Variants in KIAA1671 observed in about 807,000 individuals in gnomAD.
KIAA1671 encodes uncharacterized protein KIAA1671.
KIAA1671 carries 52 observed loss-of-function variants against 131.2 expected under a neutral mutation model. The ratio of observed to expected loss-of-function variants is 0.40; its 90% CI spans 0.32 to 0.50. The LOEUF (loss-of-function observed/expected upper bound fraction) is 0.50, where lower values mean the gene tolerates loss of function less well. Ranked by LOEUF, KIAA1671 falls within the 20% of genes least tolerant of loss-of-function variation. The pLI, the probability that KIAA1671 is intolerant of heterozygous loss-of-function variation, is 0.73. For missense variants in KIAA1671, 2,360 were observed against 2,364.2 expected (o/e 1.00, Z 0.04); for synonymous variants, 1,003 against 961.6 (o/e 1.04, Z -0.80).
In KIAA1671 at chr22:25,029,213, C is replaced by T; in HGVS notation, c.1214C>T (p.Pro405Leu). 1 of 1,459,986 alleles carries T rather than the reference C, an allele frequency of 6.8e-7. No homozygotes were observed. Among genetic ancestry groups the T allele is most frequent in the South Asian group, 1.5e-5 (1 of 68,632 alleles). The allele number at this position is 1,459,986 out of a possible 1,614,324, so 90.4% of individuals were successfully genotyped here. Residue 405 changes from proline to leucine, a missense_variant, in exon 3 of 13, where the codon CCC becomes CTC. By Grantham distance (98) the Pro-to-Leu change is moderately conservative. Transcript: ENST00000358431. ...GAGAAGGCTGCTGAGTCCCCCTCACCCAGGCTGGGAAGGGGCCTAGAACTT... is the reference window on the plus strand; with the variant it reads ...GAGAAGGCTGCTGAGTCCCCCTCACTCAGGCTGGGAAGGGGCCTAGAACTT... The part of the protein sequence containing the change: ...EPEKAAESPS[P>L]RLGRGLELAE...
At chr22:25,184,863 A>G in intron 10 of KIAA1671, 114 bp from the exon 11 acceptor site, 2 of 1,227,722 alleles carry the variant, frequency 1.6e-6, no homozygotes, top group Non-Finnish European at 2.3e-6. Flanking sequence ...GTTTATTCCG[A>G]TTCAGGGGGC....
At chr22:25,125,582 C>T (rs1051977355) in intron 6 of KIAA1671, among the ~76,000 whole-genome samples, 1 of 152,130 alleles carries the variant, frequency 6.6e-6, no homozygotes, top group Non-Finnish European at 1.5e-5. Context: ...CATTGACGTT[C>T]GGGGCTGGAT....
intron 6 of KIAA1671, among the ~76,000 whole-genome samples, chr22:25,103,205 C>A (rs1022920594): frequency 7.4e-6 from 1 of 135,254 alleles, no homozygotes; most frequent in East Asian, 2.1e-4. Context: ...AGTCCCCCCC[C>A]AACCGCCTTT....
rs1926898313 is a variant in KIAA1671 at position 25,041,071 on chromosome 22, T to C, written c.3941T>C (p.Ile1314Thr). 2 of 1,535,352 alleles carry C rather than the reference T, an allele frequency of 1.3e-6. No individual in the cohort carries two copies. Among genetic ancestry groups the C allele is most frequent in the Non-Finnish European group, 1.8e-6 (2 of 1,139,154 alleles). ...GAAAGGTATCCAGGGGGCTCTCCTA[T>C]ACCTGCGGATCCCAGGAAAAAAACG... ...PSERYPGGSP[I>T]PADPRKKTGF... The change falls in exon 5 of 13, where the codon ATA becomes ACA. Residue 1314 changes from isoleucine to threonine, a missense_variant. Transcript: ENST00000358431.
At chr22:25,163,331 ATTTT>A (rs132895) in intron 6 of KIAA1671, among the ~76,000 whole-genome samples, 1,067 of 55,564 alleles carry the variant, frequency 0.019, 34 homozygotes, top group African/African-American at 0.074. Flanking sequence ...ATTGCCTCAA[ATTTT>A]TTTTTTTTTT....
chr22:25,173,862 G>A (rs1050252482), intron 7 of KIAA1671, among the ~76,000 whole-genome samples: 2 of 150,752 alleles, frequency 1.3e-5, no homozygotes, highest in Non-Finnish European at 2.9e-5. Flanking sequence ...AGTGTGTAAG[G>A]TATAGGAAAT....
intron 2 of KIAA1671, among the ~76,000 whole-genome samples, chr22:25,026,856 T>C (rs1413662081): frequency 6.6e-6 from 1 of 152,164 alleles, no homozygotes; most frequent in Non-Finnish European, 1.5e-5. Context: ...GAGATAACGA[T>C]CATTCCTTCA....
intron 1 of KIAA1671, among the ~76,000 whole-genome samples, chr22:24,986,676 C>T (rs1923560012): frequency 7.1e-6 from 1 of 140,400 alleles, no homozygotes; most frequent in African/African-American, 2.7e-5. Flanking sequence ...CCCACCCATC[C>T]ACCCATCCAC....
intron 1 of KIAA1671, among the ~76,000 whole-genome samples, chr22:24,965,329 C>T (rs1334187634): frequency 2.0e-5 from 3 of 151,412 alleles, no homozygotes; most frequent in Non-Finnish European, 4.4e-5. Flanking sequence ...GCGAGAAAAT[C>T]GCTTGAACCC....
intron 6 of KIAA1671, among the ~76,000 whole-genome samples, chr22:25,065,558 C>A (rs1430390150): frequency 2.6e-5 from 4 of 151,754 alleles, no homozygotes; most frequent in South Asian, 4.2e-4. Context: ...TCTTTCCCCC[C>A]AAAAAAGAAA....
intron 5 of KIAA1671, among the ~76,000 whole-genome samples, chr22:25,045,440 G>T (rs1927170318): frequency 6.6e-6 from 1 of 152,212 alleles, no homozygotes; most frequent in African/African-American, 2.4e-5. Context: ...CCACTGCAAA[G>T]AATGCTCCAG....
At chr22:25,084,298 C>T (rs1929577308) in intron 6 of KIAA1671, among the ~76,000 whole-genome samples, 1 of 151,946 alleles carries the variant, frequency 6.6e-6, no homozygotes, top group Non-Finnish European at 1.5e-5. Context: ...AACATGGTGA[C>T]ACTTCATCTC....
chr22:25,033,623 G>C (rs1229187724), intron 4 of KIAA1671, among the ~76,000 whole-genome samples: 1 of 119,612 alleles, frequency 8.4e-6, no homozygotes, highest in African/African-American at 3.3e-5. Context: ...CTGTCGCTCA[G>C]GCTGGAGTGC....
chr22:25,169,785 G>A (rs901002339), intron 6 of KIAA1671, among the ~76,000 whole-genome samples: 3 of 152,236 alleles, frequency 2.0e-5, no homozygotes, highest in Non-Finnish European at 2.9e-5. Context: ...TGCCCAGGCC[G>A]AGGGCCGAGA....
At chr22:25,180,536 CAA>C (rs11334297) in intron 9 of KIAA1671, among the ~76,000 whole-genome samples, 9 of 145,434 alleles carry the variant, frequency 6.2e-5, no homozygotes, top group Non-Finnish European at 7.6e-5. Flanking sequence ...GACTCTGTCT[CAA>C]AAAAAAAAAA....
intron 1 of KIAA1671, among the ~76,000 whole-genome samples, chr22:24,987,935 C>A (rs1923638750): frequency 6.6e-6 from 1 of 152,200 alleles, no homozygotes; most frequent in South Asian, 2.1e-4. Flanking sequence ...ATCTCCAGAG[C>A]TCTCTGCCCT....
intron 9 of KIAA1671, among the ~76,000 whole-genome samples, chr22:25,180,731 C>G (rs964660207): frequency 6.6e-6 from 1 of 152,170 alleles, no homozygotes; most frequent in Non-Finnish European, 1.5e-5. Flanking sequence ...TGCTTCTGAC[C>G]AGATACCTTA....
At position 25,192,509 on chromosome 22, in the gene KIAA1671, G is replaced by A; in HGVS notation, c.*108G>A. On this transcript the variant is annotated 3_prime_UTR_variant, in exon 13 of 13. Coordinates refer to ENST00000358431, the MANE Select transcript of KIAA1671 (RefSeq NM_001145206.2). ...CTTCCTGCACAACGCTTACGTGCCTGGGCCCTTCCCATTGGATTGAGAACG... is the reference window on the plus strand; with the variant it reads ...CTTCCTGCACAACGCTTACGTGCCTAGGCCCTTCCCATTGGATTGAGAACG... The A allele has an allele frequency of 6.6e-6, 1 of 152,296 alleles. No individual in the cohort carries two copies. The allele number at this position is 152,296 out of a possible 1,614,324, so 9.4% of individuals were successfully genotyped here.
At chr22:25,173,392 C>T (rs1206118172) in intron 7 of KIAA1671, among the ~76,000 whole-genome samples, 1 of 152,168 alleles carries the variant, frequency 6.6e-6, no homozygotes, top group Non-Finnish European at 1.5e-5. Context: ...ATGCTTGGCA[C>T]ATAGTAAGTG....
Sources: gnomAD v4.1 joint callset for allele counts (sites outside exome capture counted in the v4.1 genomes callset) on GRCh38, gnomAD v4.1.1 for gene constraint, MANE v1.5 for transcripts, NCBI Gene and HGNC (gene_info 2026-07-23, HGNC 2026-07-21) for gene names.